Variants in PKP1 observed in about 807,000 individuals in gnomAD.
PKP1 encodes plakophilin-1.
Under a neutral mutation model 76.4 loss-of-function variants are expected in PKP1, and 27 were observed. The observed-to-expected ratio is 0.35, with a 90% CI of 0.26 to 0.49. The LOEUF (loss-of-function observed/expected upper bound fraction) is 0.49. Ranked by LOEUF, PKP1 falls within the 20% of genes least tolerant of loss-of-function variation. PKP1 has a pLI of 0.99. For synonymous variants in PKP1, 404 were observed against 384.2 expected, an observed-to-expected ratio of 1.05 and a Z score of -0.60; for missense variants, 964 against 955.2, an observed-to-expected ratio of 1.01 and a Z score of -0.12.
At chr1:201,287,702 G>T (rs962489254) in intron 1 of PKP1, among the ~76,000 whole-genome samples, 6 of 152,194 alleles carry the variant, frequency 3.9e-5, no homozygotes, top group Admixed American at 3.9e-4. Flanking sequence ...TGCAGCAAAT[G>T]CTGCTTCTCT....
chr1:201,329,793 G>A (rs1446491498), intron 13 of PKP1, among the ~76,000 whole-genome samples: 1 of 152,204 alleles, frequency 6.6e-6, no homozygotes, highest in Non-Finnish European at 1.5e-5. Context: ...GGCAGAAAAG[G>A]GGAAAGAGAT....
rs141622600 is a variant in PKP1 at position 201,296,414 on chromosome 1, C to T, written c.306+2369C>T. On this transcript the variant is annotated intron_variant, in intron 2 of 13. Coordinates refer to ENST00000367324, the MANE Select transcript of PKP1 (RefSeq NM_001005337.3). ...CACAGGACGATGTTATTCCTCCCCT[C>T]TGGTGAAACCAATATGGCAGCAGAA... Among the ~76,000 whole-genome samples the T allele has an allele frequency of 3.1e-3, 473 of 152,352 alleles. 2 individuals are homozygous for T. The highest frequency in any genetic ancestry group is 5.1e-3 in the Non-Finnish European group (346 of 68,036).
At chr1:201,317,383 T>A (rs1432695622) in intron 4 of PKP1, among the ~76,000 whole-genome samples, 189 bp from the exon 5 acceptor site, 2 of 152,100 alleles carry the variant, frequency 1.3e-5, no homozygotes, top group African/African-American at 4.8e-5. Context: ...AGGATCTGAA[T>A]CCAGGTCTTT....
intron 1 of PKP1, among the ~76,000 whole-genome samples, chr1:201,288,889 A>T (rs1655817446): frequency 6.6e-6 from 1 of 152,162 alleles, no homozygotes; most frequent in South Asian, 2.1e-4. Context: ...AGCCTGAGGG[A>T]GTCACATGGG....
At chr1:201,318,474 A>T in intron 5 of PKP1, 144 bp from the exon 6 acceptor site, 4 of 705,470 alleles carry the variant, frequency 5.7e-6, no homozygotes, top group Non-Finnish European at 1.0e-5. Flanking sequence ...ACACAGACAG[A>T]CAATAGGTTC....
At position 201,313,066 on chromosome 1, in the gene PKP1, G is replaced by T. The variant is rs896344605; in HGVS notation, c.307-100G>T. The stretch of plus-strand genomic sequence containing the variant: ...CCAAACATTCTGGGATTCTGTAAGC[G>T]TTATTATGGGGGCTGGGGAGGGCTG... On this transcript the variant is annotated intron_variant, in intron 2 of 13. Transcript: ENST00000367324. 25 of 1,245,066 alleles carry T rather than the reference G, an allele frequency of 2.0e-5. No homozygotes were observed. In the Middle Eastern group the frequency reaches 5.5e-4, roughly 28 times the overall value. 77.1% of individuals were successfully genotyped at this position (1,245,066 alleles called of 1,614,324 possible).
intron 2 of PKP1, among the ~76,000 whole-genome samples, chr1:201,297,076 A>T (rs549218426): frequency 1.3e-5 from 2 of 152,376 alleles, no homozygotes; most frequent in South Asian, 4.1e-4. Flanking sequence ...TATCAATAAT[A>T]GCCTTGTAAT....
At chr1:201,303,967 T>C (rs1656304660) in intron 2 of PKP1, among the ~76,000 whole-genome samples, 1 of 151,018 alleles carries the variant, frequency 6.6e-6, no homozygotes, top group Admixed American at 6.6e-5. Context: ...CTGAACACTT[T>C]TTTAACTGGC....
At chr1:201,315,953 G>C (rs1656706812) in intron 3 of PKP1, among the ~76,000 whole-genome samples, 2 of 152,192 alleles carry the variant, frequency 1.3e-5, no homozygotes, top group Admixed American at 6.5e-5. Flanking sequence ...TCAAGATCAG[G>C]AAATTGGTGG....
intron 11 of PKP1, 86 bp downstream of exon 11, chr1:201,325,213 C>A: frequency 7.3e-7 from 1 of 1,377,106 alleles, no homozygotes; most frequent in African/African-American, 1.4e-5. Flanking sequence ...CGCAGCTCTC[C>A]ATGGAGTAGG....
chr1:201,289,688 G>GCACA (rs3057891), intron 1 of PKP1, among the ~76,000 whole-genome samples: 3,680 of 145,004 alleles, frequency 0.025, 47 homozygotes, highest in Middle Eastern at 0.041. Context: ...TGGGAGGAGT[G>GCACA]CACACACACA....
intron 2 of PKP1, among the ~76,000 whole-genome samples, chr1:201,309,994 A>G (rs961504480): frequency 2.6e-5 from 4 of 151,992 alleles, no homozygotes; most frequent in Non-Finnish European, 5.9e-5. Flanking sequence ...ACATATTTAG[A>G]CCCATTCTAT....
At chr1:201,325,632 T>C (rs1657095924) in intron 11 of PKP1, 122 bp from the exon 12 acceptor site, 1 of 768,232 alleles carries the variant, frequency 1.3e-6, no homozygotes, top group Admixed American at 2.0e-5. Context: ...TTTGCACACC[T>C]GAGGCCTCCT....
intron 9 of PKP1, among the ~76,000 whole-genome samples, chr1:201,323,499 G>A (rs754020098): frequency 1.2e-4 from 19 of 152,150 alleles, no homozygotes; most frequent in Non-Finnish European, 1.6e-4. Flanking sequence ...CGGGGAATGC[G>A]GCGGAGAAGG....
In PKP1 at chr1:201,325,815, G is replaced by T; in HGVS notation, c.2083G>T (p.Glu695Ter). ...CCTGTCTGACATGTGGTCCAGCAAGGAACTGCAGGGTGTCCTCAGACAGGT... is the reference window on the plus strand; with the variant it reads ...CCTGTCTGACATGTGGTCCAGCAAGTAACTGCAGGGTGTCCTCAGACAGGT... The part of the protein sequence containing the change: ...LLLSDMWSSK[E>*]LQGVLRQQGF... Residue 695 changes from glutamate to a stop codon, truncating the protein, a stop_gained, in exon 12 of 14, where the codon GAA (glutamate) becomes TAA (stop). Coordinates refer to ENST00000367324, the MANE Select transcript of PKP1 (RefSeq NM_001005337.3). LOFTEE classifies it high-confidence loss of function. The T allele has an allele frequency of 6.2e-7, 1 of 1,613,938 alleles. No homozygotes were observed. Among genetic ancestry groups the T allele is most frequent in the Non-Finnish European group, 8.5e-7 (1 of 1,179,892 alleles).
rs1437790217 is a variant in PKP1 at position 201,332,867 on chromosome 1, C to T, written c.*2826C>T. 6.6e-6 allele frequency: 1 copy of T among 152,218 alleles called. No homozygotes were observed. The highest frequency in any genetic ancestry group is 1.5e-5 in the Non-Finnish European group (1 of 68,050). 9.4% of individuals were successfully genotyped at this position (152,218 alleles called of 1,614,324 possible). A position where few individuals can be genotyped will look rare whatever the true frequency, so the allele number is the denominator to read the frequency against. ...GGAGCTTCCCTGTAGCCCACCTTCC[C>T]CTTGCTTCATGTTTGTAGAGGAACC... On this transcript the variant is annotated 3_prime_UTR_variant, in exon 14 of 14. Coordinates refer to ENST00000367324, the MANE Select transcript of PKP1 (RefSeq NM_001005337.3).
chr1:201,291,442 T>G (rs1655914946), intron 1 of PKP1, among the ~76,000 whole-genome samples: 1 of 152,206 alleles, frequency 6.6e-6, no homozygotes, highest in African/African-American at 2.4e-5. Flanking sequence ...CAGAGAGGCC[T>G]CTACCTTCAT....
intron 12 of PKP1, among the ~76,000 whole-genome samples, chr1:201,327,701 C>G (rs1657188425): frequency 6.6e-6 from 1 of 151,994 alleles, no homozygotes. Context: ...ACCAGCGTCC[C>G]CATTCAGTCT....
intron 3 of PKP1, among the ~76,000 whole-genome samples, chr1:201,314,560 A>C (rs1033104865): frequency 1.3e-5 from 2 of 152,232 alleles, no homozygotes; most frequent in Non-Finnish European, 2.9e-5. Context: ...ACTCCTGTGC[A>C]TACATGTGGA....
Sources: gnomAD v4.1 joint callset for allele counts (sites outside exome capture counted in the v4.1 genomes callset) on GRCh38, gnomAD v4.1.1 for gene constraint, MANE v1.5 for transcripts, NCBI Gene and HGNC (gene_info 2026-07-23, HGNC 2026-07-21) for gene names.